The following VWA5B1 variants were observed in gnomAD, a reference collection of about 807,000 sequenced individuals.
The protein encoded by VWA5B1 is von Willebrand factor A domain-containing protein 5B1.
A neutral mutation model predicts 118.2 loss-of-function variants in VWA5B1; 115 were observed. The ratio of observed to expected loss-of-function variants is 0.97; its 90% confidence interval spans 0.84 to 1.14. VWA5B1 has a LOEUF of 1.14. Among genes scored for constraint, VWA5B1 ranks in the 50% most tolerant of loss-of-function variants. The probability of loss-of-function intolerance (pLI) is 0.00; values close to 1 mark genes in which losing one functional copy is unlikely to be tolerated. For missense variants in VWA5B1, 1,596 were observed against 1,603.8 expected (o/e 1.00, Z 0.08); for synonymous variants, 682 against 658.4 (o/e 1.04, Z -0.55).
At chr1:20,310,056 G>T (rs1177163815) in intron 1 of VWA5B1, among the ~76,000 whole-genome samples, 1 of 151,922 alleles carries the variant, frequency 6.6e-6, no homozygotes, top group Non-Finnish European at 1.5e-5. Flanking sequence ...TTACTTTGGT[G>T]ACTATTGGGG....
chr1:20,319,218 A>T (rs998521756), intron 6 of VWA5B1, among the ~76,000 whole-genome samples, 164 bp from the exon 7 acceptor site: 1 of 152,178 alleles, frequency 6.6e-6, no homozygotes, highest in South Asian at 2.1e-4. Flanking sequence ...CTCCCAGCTA[A>T]GGAGTCTTCC....
Position 20,300,857 on chromosome 1 carries a change from C to A in VWA5B1, c.-26-9719C>A, listed in dbSNP as rs141854293. Among the ~76,000 whole-genome samples, 595 of 152,354 alleles carry A rather than the reference C, an allele frequency of 3.9e-3. 14 individuals carry two copies. Among genetic ancestry groups the A allele is most frequent in the Admixed American group, 0.035 (537 of 15,302 alleles). ...GACCCCACCAATCTTTACGCCCCACCAGCTGTGCTCCGTCCAGGCCCAAGA... is the reference window on the plus strand; with the variant it reads ...GACCCCACCAATCTTTACGCCCCACAAGCTGTGCTCCGTCCAGGCCCAAGA... On this transcript the variant is annotated intron_variant, in intron 1 of 21. Coordinates refer to ENST00000289815, the MANE Select transcript of VWA5B1 (RefSeq NM_001039500.3).
rs1208238488 is a variant in VWA5B1, at chr1:20,355,415, G to A, written c.*1152G>A. ...CGCAGATACCCTAATGGCTGGCATA[G>A]AGCTGCCCAGTCTCCTCTTCCCCAC... On this transcript the variant is annotated 3_prime_UTR_variant, in exon 22 of 22. Transcript: ENST00000289815. Among the ~76,000 whole-genome samples, 6 of 152,228 alleles carry A rather than the reference G, an allele frequency of 3.9e-5. No individual in the cohort carries two copies. Among genetic ancestry groups the A allele is most frequent in the Non-Finnish European group, 7.4e-5 (5 of 68,024 alleles).
chr1:20,337,807 G>A lies in VWA5B1; in HGVS notation c.2104G>A (p.Asp702Asn). The A allele has an allele frequency of 6.4e-7, 1 of 1,551,832 alleles. No homozygotes were observed. The highest frequency in any genetic ancestry group is 8.7e-7 in the Non-Finnish European group (1 of 1,147,038). Residue 702 changes from aspartate (D) to asparagine (N), a missense_variant, in exon 14 of 22, where the codon GAT becomes AAT. Transcript: ENST00000289815. ...LQDLTNQTSL[D>N]VQRWQIDLQP... is the part of the protein sequence containing the mutation. ...GGACCTCACCAACCAGACCAGCCTG[G>A]ATGTCCAGCGGTGGCAGATTGATTT... is the stretch of plus-strand genomic sequence containing the variant.
At chr1:20,345,685 A>G in intron 17 of VWA5B1, 92 bp downstream of exon 17, 11 of 1,442,716 alleles carry the variant, frequency 7.6e-6, no homozygotes, top group Non-Finnish European at 1.0e-5. Context: ...ACCACAGACC[A>G]GCAGGGAGCG....
chr1:20,292,192 A>C (rs879520693), intron 1 of VWA5B1, among the ~76,000 whole-genome samples: 675 of 94,352 alleles, frequency 7.2e-3, no homozygotes, highest in Admixed American at 9.7e-3. Flanking sequence ...GTCCTCCCTT[A>C]CCTCCTTCCT....
chr1:20,338,779 C>T (rs1468349068), intron 14 of VWA5B1: 1 of 152,348 alleles, frequency 6.6e-6, no homozygotes, highest in Non-Finnish European at 1.5e-5. Context: ...ATCCACCTGC[C>T]TCGAACTCCC....
Position 20,345,537 on chromosome 1 carries a change from C to T in VWA5B1, c.2708C>T (p.Pro903Leu). The T allele has an allele frequency of 2.6e-6, 4 of 1,551,208 alleles. No individual in the cohort carries two copies. Among genetic ancestry groups the T allele is most frequent in the South Asian group, 2.4e-5 (2 of 84,048 alleles). ...ATTAGCAAATACACAGCCTTCGTGC[C>T]TGTGGACGTGAGCAAGAGCCGGTAC... Reference protein sequence around the residue: ...NIISKYTAFVPVDVSKSRYLP... With the variant: ...NIISKYTAFVLVDVSKSRYLP... The change falls in exon 17 of 22, where the codon CCT becomes CTT. Residue 903 changes from proline (P) to leucine (L), a missense_variant. Pro to Leu is a moderately conservative substitution (Grantham distance 98). Coordinates refer to ENST00000289815, the MANE Select transcript of VWA5B1 (RefSeq NM_001039500.3).
At position 20,336,491 on chromosome 1, in the gene VWA5B1, G is replaced by T. The variant is rs943417759; in HGVS notation, c.1942+5G>T. ...GAGACTCTACCACCAAGCACGGTTC[G>T]TCTGCGGCTCTGATGATTGCTGCCT... On this transcript the variant is annotated splice_donor_5th_base_variant and intron_variant, in intron 13 of 21. Coordinates refer to ENST00000289815, the MANE Select transcript of VWA5B1 (RefSeq NM_001039500.3). 3 of 1,378,330 alleles carry T rather than the reference G, an allele frequency of 2.2e-6. No homozygotes were observed. The Admixed American group carries it at 8.7e-5, about 40-fold the overall frequency. 85.4% of individuals were successfully genotyped at this position (1,378,330 alleles called of 1,614,324 possible).
chr1:20,305,857 GACCTC>G (rs2100819324), intron 1 of VWA5B1, among the ~76,000 whole-genome samples: 1 of 152,076 alleles, frequency 6.6e-6, no homozygotes, highest in African/African-American at 2.4e-5. Flanking sequence ...AGCCGCCCCT[GACCTC>G]ATGGCCAGAG....
intron 1 of VWA5B1, among the ~76,000 whole-genome samples, chr1:20,291,800 G>A (rs1315968148): frequency 1.3e-5 from 2 of 152,174 alleles, no homozygotes; most frequent in Admixed American, 6.5e-5. Flanking sequence ...AAAGGTCCTC[G>A]GGCAGAAGGA....
At position 20,332,770 on chromosome 1, in the gene VWA5B1, T is replaced by C. The variant is rs781655444; in HGVS notation, c.1577T>C (p.Val526Ala). The change falls in exon 12 of 22, where the codon GTC becomes GCC. Residue 526 changes from valine to alanine, a missense_variant. Coordinates refer to ENST00000289815, the MANE Select transcript of VWA5B1 (RefSeq NM_001039500.3). The part of the protein sequence containing the change: ...MEGERLQPKM[V>A]KSLKKAMAPV... ...CATTCTGACCCTGCCCTACAGATGG[T>C]CAAATCCTTGAAGAAGGCCATGGCC... is the stretch of plus-strand genomic sequence containing the variant. The C allele has an allele frequency of 1.1e-5, 17 of 1,551,604 alleles. No individual in the cohort carries two copies. Among genetic ancestry groups the C allele is most frequent in the Non-Finnish European group, 1.2e-5 (14 of 1,146,940 alleles).
At position 20,343,236 on chromosome 1, in the gene VWA5B1, G is replaced by T; in HGVS notation, c.2469G>T (p.Leu823=). Reference sequence around the variant, plus strand: ...AAGGCCTGCACGACAGCCAACGCCTGCAGTGGGAGGTGAGCTTCGAGCTGG... The same window carrying T: ...AAGGCCTGCACGACAGCCAACGCCTTCAGTGGGAGGTGAGCTTCGAGCTGG... ...LVKGLHDSQR[L]QWEVSFELGT... The change falls in exon 16 of 22, where the codon CTG becomes CTT. Residue 823 remains leucine (L), a synonymous_variant. Coordinates refer to ENST00000289815, the MANE Select transcript of VWA5B1 (RefSeq NM_001039500.3). The T allele has an allele frequency of 6.5e-7, 1 of 1,549,354 alleles. No homozygotes were observed. Among genetic ancestry groups the T allele is most frequent in the Non-Finnish European group, 8.7e-7 (1 of 1,146,806 alleles).
intron 1 of VWA5B1, among the ~76,000 whole-genome samples, chr1:20,295,342 G>A (rs566557812): frequency 4.6e-5 from 7 of 152,162 alleles, no homozygotes; most frequent in African/African-American, 7.2e-5. Context: ...TGAATTTGAC[G>A]TGAGCAAGTC....
chr1:20,295,977 C>T (rs1212471249), intron 1 of VWA5B1, among the ~76,000 whole-genome samples: 1 of 152,208 alleles, frequency 6.6e-6, no homozygotes, highest in African/African-American at 2.4e-5. Flanking sequence ...ATTCTCCTGC[C>T]TCAGCCTCCT....
At position 20,356,649 on chromosome 1, in the gene VWA5B1, A is replaced by C. The variant is rs935997885; in HGVS notation, c.*2386A>C. Among the ~76,000 whole-genome samples the C allele has an allele frequency of 6.6e-6, 1 of 152,202 alleles. No homozygotes were observed. The highest frequency in any genetic ancestry group is 2.4e-5 in the African/African-American group (1 of 41,458). ...TGGGCATGCCACCCACTTCTCTAGGAAAGTTCCTCAGACTGCTCCCGCACC... is the reference window on the plus strand; with the variant it reads ...TGGGCATGCCACCCACTTCTCTAGGCAAGTTCCTCAGACTGCTCCCGCACC... On this transcript the variant is annotated 3_prime_UTR_variant, in exon 22 of 22. Coordinates refer to ENST00000289815, the MANE Select transcript of VWA5B1 (RefSeq NM_001039500.3).
At chr1:20,349,812 C>A (rs1246362756) in intron 18 of VWA5B1, among the ~76,000 whole-genome samples, 1 of 146,794 alleles carries the variant, frequency 6.8e-6, no homozygotes, top group African/African-American at 2.6e-5. Context: ...TAAGCACTAT[C>A]TGCGTATTAT....
chr1:20,297,205 C>T (rs2088421116), intron 1 of VWA5B1, among the ~76,000 whole-genome samples: 1 of 152,202 alleles, frequency 6.6e-6, no homozygotes, highest in Admixed American at 6.5e-5. Flanking sequence ...GCTCAAAGAC[C>T]CAAACATTCA....
chr1:20,351,010 G>C (rs886198892), intron 20 of VWA5B1, 84 bp downstream of exon 20: 7 of 1,341,880 alleles, frequency 5.2e-6, no homozygotes, highest in Non-Finnish European at 7.3e-6. Context: ...GACTTGGAAG[G>C]CCAAAGACAG....
Sources: allele counts gnomAD v4.1 joint callset (sites outside exome capture counted in the v4.1 genomes callset), GRCh38; gene constraint gnomAD v4.1.1; transcripts MANE v1.5; gene names NCBI Gene and HGNC (gene_info 2026-07-23, HGNC 2026-07-21).